The following FA2H variants were observed in gnomAD, a reference collection of about 807,000 sequenced individuals.
FA2H encodes the protein fatty acid alpha-hydroxylase.
A neutral mutation model predicts 44.9 loss-of-function variants in FA2H; 22 were observed. The ratio of observed to expected loss-of-function variants is 0.49; its 90% CI spans 0.35 to 0.70. The LOEUF (loss-of-function observed/expected upper bound fraction) is 0.70, where lower values mean the gene tolerates loss of function less well. FA2H is among the 30% of genes least tolerant of loss of function. FA2H has a pLI of 0.01. For synonymous variants in FA2H, 243 were observed against 213.2 expected (o/e 1.14, Z -1.22); for missense variants, 501 against 504.9 (o/e 0.99, Z 0.07).
Position 74,774,617 on chromosome 16 carries a change from C to T in FA2H, c.139G>A (p.Glu47Lys), listed in dbSNP as rs1057518032. ...CCCGCCCTGGCCCGCAGCAGCTGCT[C>T]GCCCCCCGGGTGGTGCCGCACGAAG... is the stretch of plus-strand genomic sequence containing the variant. ...SSFVRHHPGG[E>K]QLLRARAGQD... Residue 47 changes from glutamate (E) to lysine (K), a missense_variant, in exon 1 of 7, where the codon GAG becomes AAG. Glu to Lys is a moderately conservative substitution (Grantham distance 56). Coordinates refer to ENST00000219368, the MANE Select transcript of FA2H (RefSeq NM_024306.5). The T allele has an allele frequency of 7.2e-6, 11 of 1,518,762 alleles. No individual in the cohort carries two copies. Among genetic ancestry groups the T allele is most frequent in the Non-Finnish European group, 9.6e-6 (11 of 1,141,780 alleles). The allele number at this position is 1,518,762 out of a possible 1,614,324, so 94.1% of individuals were successfully genotyped here. A position where few individuals can be genotyped will look rare whatever the true frequency, so the allele number is the denominator to read the frequency against.
At position 74,751,421 on chromosome 16, in the gene FA2H, A is replaced by C. The variant is rs186144377; in HGVS notation, c.271-11306T>G. Among the ~76,000 whole-genome samples the C allele has an allele frequency of 2.5e-3, 384 of 152,066 alleles. 2 individuals carry two copies. The highest frequency in any genetic ancestry group is 8.9e-3 in the African/African-American group (371 of 41,462). Reference sequence around the variant, plus strand: ...CCATCACACATTTCTTCAATTAGCAAAGTCTACGCAGTGAGTCCTAGAATT... The same window carrying C: ...CCATCACACATTTCTTCAATTAGCACAGTCTACGCAGTGAGTCCTAGAATT... On this transcript the variant is annotated intron_variant, in intron 1 of 6. Coordinates refer to ENST00000219368, the MANE Select transcript of FA2H (RefSeq NM_024306.5).
intron 1 of FA2H, among the ~76,000 whole-genome samples, chr16:74,758,405 C>T (rs1281203751): frequency 6.6e-6 from 1 of 151,900 alleles, no homozygotes; most frequent in Non-Finnish European, 1.5e-5. Context: ...CAGTCATGAG[C>T]CACCGTGCCC....
intron 1 of FA2H, among the ~76,000 whole-genome samples, chr16:74,767,248 G>A (rs1962826638): frequency 6.6e-6 from 1 of 152,136 alleles, no homozygotes; most frequent in Admixed American, 6.5e-5. Context: ...GGCGGAGGTT[G>A]CAGTGAGCCG....
intron 1 of FA2H, among the ~76,000 whole-genome samples, chr16:74,750,781 G>GTGTGTGTA (rs1555540840): frequency 4.0e-5 from 6 of 151,214 alleles, no homozygotes; most frequent in Admixed American, 1.3e-4. Flanking sequence ...GTGTGTGTGT[G>GTGTGTGTA]TGTGTGTGTT....
At chr16:74,746,961 C>T (rs12931024) in intron 1 of FA2H, among the ~76,000 whole-genome samples, 39,961 of 151,980 alleles carry the variant, frequency 0.26, 5,592 homozygotes, top group East Asian at 0.52. Context: ...GGTCAGGGAG[C>T]AGAAGTGGGG....
chr16:74,727,334 T>C lies in FA2H; in HGVS notation c.416A>G (p.Glu139Gly), dbSNP rs1567637539. Reference protein sequence around the residue: ...PLLWQVGHLGEKYDEWVHQPV... With the variant: ...PLLWQVGHLGGKYDEWVHQPV... ...CTGGTGAACCCACTCATCGTACTTC[T>C]CTCCCAAGTGGCCCACCTGCCACAG... The change falls in exon 3 of 7, where the codon GAG (glutamate) becomes GGG (glycine). Residue 139 changes from glutamate to glycine, a missense_variant. Physicochemically the swap from Glu to Gly is moderately conservative, Grantham distance 98. Transcript: ENST00000219368. 2 of 1,614,086 alleles carry C rather than the reference T, an allele frequency of 1.2e-6. No individual in the cohort carries two copies. The highest frequency in any genetic ancestry group is 1.7e-5 in the Admixed American group (1 of 60,030).
At position 74,713,416 on chromosome 16, in the gene FA2H, A is replaced by C. The variant is rs1279521208; in HGVS notation, c.*774T>G. 2.7e-5 allele frequency: 4 copies of C among 150,810 alleles called. No homozygotes were observed. The highest frequency in any genetic ancestry group is 9.7e-5 in the African/African-American group (4 of 41,060). The allele number at this position is 150,810 out of a possible 1,614,324, so 9.3% of individuals were successfully genotyped here. On this transcript the variant is annotated 3_prime_UTR_variant, in exon 7 of 7. Transcript: ENST00000219368. ...TGGCTCCTTCTGGGAGCGCCCGAGT[A>C]GGGGCCTGAGCGGGGTGGAGGCCAA...
intron 1 of FA2H, among the ~76,000 whole-genome samples, chr16:74,761,540 G>A (rs1354675827): frequency 2.0e-5 from 3 of 152,108 alleles, no homozygotes; most frequent in Non-Finnish European, 4.4e-5. Context: ...GCTCTACAGG[G>A]ATCATCGTTA....
chr16:74,737,455 C>G (rs1567641396), intron 2 of FA2H, among the ~76,000 whole-genome samples: 1 of 152,234 alleles, frequency 6.6e-6, no homozygotes. Flanking sequence ...CCATCCCTCA[C>G]CTCTGAGCAG....
In FA2H at chr16:74,713,889, G is replaced by A. The variant is rs192208552; in HGVS notation, c.*301C>T. On this transcript the variant is annotated 3_prime_UTR_variant, in exon 7 of 7. Coordinates refer to ENST00000219368, the MANE Select transcript of FA2H (RefSeq NM_024306.5). ...CTCAGTTTTCTTCATTTCCCCTTGC[G>A]GCTGCTACCTGTGGCCACGGCCTGA... The A allele has an allele frequency of 1.3e-4, 53 of 396,580 alleles. No homozygotes were observed. Among genetic ancestry groups the A allele is most frequent in the African/African-American group, 8.8e-4 (44 of 50,234 alleles). 24.6% of individuals were successfully genotyped at this position (396,580 alleles called of 1,614,324 possible).
At chr16:74,723,636 G>C (rs576660785) in intron 4 of FA2H, among the ~76,000 whole-genome samples, 1 of 152,298 alleles carries the variant, frequency 6.6e-6, no homozygotes, top group East Asian at 1.9e-4. Flanking sequence ...TGGAGTCTTA[G>C]CTGGGCTGGT....
intron 1 of FA2H, among the ~76,000 whole-genome samples, chr16:74,753,540 C>T (rs551692121): frequency 2.6e-5 from 4 of 152,168 alleles, no homozygotes; most frequent in Middle Eastern, 3.4e-3. Context: ...TGTGGTGGCA[C>T]GCACCTGTAA....
Position 74,719,144 on chromosome 16 carries a change from C to G in FA2H, c.630G>C (p.Val210=). ...AGAGCCCGGGGAACATGGACTTGGGCACTGCCACCGTGTACTCTGCAGGGT... is the reference window on the plus strand; with the variant it reads ...AGAGCCCGGGGAACATGGACTTGGGGACTGCCACCGTGTACTCTGCAGGGT... ...TSFTTEYTVA[V]PKSMFPGLFM... The change falls in exon 5 of 7, where the codon GTG becomes GTC. Residue 210 remains valine (V), a synonymous_variant. Coordinates refer to ENST00000219368, the MANE Select transcript of FA2H (RefSeq NM_024306.5). 1 of 1,613,498 alleles carries G rather than the reference C, an allele frequency of 6.2e-7. No homozygotes were observed. The highest frequency in any genetic ancestry group is 1.1e-5 in the South Asian group (1 of 91,086).
intron 1 of FA2H, among the ~76,000 whole-genome samples, chr16:74,764,197 A>G (rs998400823): frequency 2.0e-5 from 3 of 152,154 alleles, no homozygotes; most frequent in Non-Finnish European, 4.4e-5. Flanking sequence ...ATACCATGTC[A>G]CCCAGCAATC....
At chr16:74,739,155 C>A (rs1425113060) in intron 2 of FA2H, among the ~76,000 whole-genome samples, 2 of 152,150 alleles carry the variant, frequency 1.3e-5, no homozygotes, top group Non-Finnish European at 2.9e-5. Context: ...CTCTTTATGG[C>A]GGTGGTGGGG....
chr16:74,742,569 G>A (rs779974495), intron 1 of FA2H, among the ~76,000 whole-genome samples: 9 of 152,168 alleles, frequency 5.9e-5, no homozygotes, highest in Non-Finnish European at 1.2e-4. Flanking sequence ...CACGGTAGCC[G>A]ATGCCTGCAA....
chr16:74,727,671 G>T (rs1036651131), intron 2 of FA2H, among the ~76,000 whole-genome samples: 2 of 152,216 alleles, frequency 1.3e-5, no homozygotes, highest in Non-Finnish European at 2.9e-5. Flanking sequence ...CAGGGCATGA[G>T]CCTGGATTTA....
intron 4 of FA2H, among the ~76,000 whole-genome samples, chr16:74,721,638 G>A (rs565022793): frequency 6.6e-5 from 10 of 152,176 alleles, no homozygotes; most frequent in African/African-American, 9.7e-5. Context: ...CCTAGACACA[G>A]CCTGATGGAT....
intron 1 of FA2H, among the ~76,000 whole-genome samples, chr16:74,753,376 G>A (rs1962561981): frequency 6.6e-6 from 1 of 152,194 alleles, no homozygotes; most frequent in Admixed American, 6.5e-5. Context: ...AGAGCTTGAG[G>A]ATGTGGCTTC....
Sources: allele counts gnomAD v4.1 joint callset (sites outside exome capture counted in the v4.1 genomes callset), GRCh38; gene constraint gnomAD v4.1.1; transcripts MANE v1.5; gene names NCBI Gene and HGNC (gene_info 2026-07-23, HGNC 2026-07-21).